The following MAD1L1 variants were observed in gnomAD, a reference collection of about 807,000 sequenced individuals.
The protein encoded by MAD1L1 is mitotic arrest deficient 1 like 1.
A neutral mutation model predicts 96.9 loss-of-function variants in MAD1L1; 95 were observed. The observed-to-expected ratio is 0.98, with a 90% CI of 0.83 to 1.16. The LOEUF is 1.16. MAD1L1 is among the 50% of genes most tolerant of loss of function. The probability of loss-of-function intolerance (pLI) is 0.00; values close to 1 mark genes in which losing one functional copy is unlikely to be tolerated. For missense variants in MAD1L1, 1,007 were observed against 954.4 expected, an observed-to-expected ratio of 1.06 and a Z score of -0.73; for synonymous variants, 473 against 396.6, an observed-to-expected ratio of 1.19 and a Z score of -2.29.
rs372529867 is a variant in MAD1L1, at chr7:2,149,239, C to T, written c.987-1G>A. 24 of 1,612,922 alleles carry T rather than the reference C, an allele frequency of 1.5e-5. No homozygotes were observed. The highest frequency in any genetic ancestry group is 2.0e-5 in the Non-Finnish European group (23 of 1,179,208). On this transcript the variant is annotated splice_acceptor_variant, in intron 10 of 18. Coordinates refer to ENST00000265854, the MANE Select transcript of MAD1L1 (RefSeq NM_001013836.2). LOFTEE classifies it high-confidence loss of function. ...GAATCTGGAAAGGTCTTCTGGAGTC[C>T]TGCAGGATAAACAAGGCACACTCAG...
At chr7:1,847,092 A>G (rs1426943349) in intron 18 of MAD1L1, 2 of 359,416 alleles carry the variant, frequency 5.6e-6, no homozygotes, top group Non-Finnish European at 1.1e-5. Context: ...GCTCACATCC[A>G]TCAGGTATCT....
chr7:1,929,291 C>A (rs1387282382), intron 17 of MAD1L1, among the ~76,000 whole-genome samples: 1 of 152,210 alleles, frequency 6.6e-6, no homozygotes, highest in Non-Finnish European at 1.5e-5. Flanking sequence ...GCTGTGCCCA[C>A]ACAGGCAGTG....
intron 10 of MAD1L1, among the ~76,000 whole-genome samples, chr7:2,179,384 C>T (rs1473261099): frequency 1.3e-5 from 2 of 151,906 alleles, no homozygotes; most frequent in Non-Finnish European, 2.9e-5. Context: ...AAAAATTAGC[C>T]GGGCATGGTG....
intron 4 of MAD1L1, among the ~76,000 whole-genome samples, 167 bp from the exon 5 acceptor site, chr7:2,222,921 C>T (rs1045166264): frequency 2.8e-4 from 43 of 152,232 alleles, no homozygotes; most frequent in African/African-American, 9.9e-4. Flanking sequence ...GGACCCAGCC[C>T]CAGCGTTGGC....
chr7:2,166,989 C>T (rs1486774280), intron 10 of MAD1L1, among the ~76,000 whole-genome samples: 1 of 152,334 alleles, frequency 6.6e-6, no homozygotes, highest in Middle Eastern at 3.4e-3. Flanking sequence ...CTGGTGGAAT[C>T]CCCTTTTACA....
At position 2,217,875 on chromosome 7, in the gene MAD1L1, C is replaced by T. The variant is rs575734825; in HGVS notation, c.678+87G>A. ...AACCTCACAGAAGGACCACGGAGCT[C>T]GGCACCAGCGCAGAAAGGCCGACAG... On this transcript the variant is annotated intron_variant, in intron 7 of 18. Coordinates refer to ENST00000265854, the MANE Select transcript of MAD1L1 (RefSeq NM_001013836.2). 3.6e-5 allele frequency: 40 copies of T among 1,125,812 alleles called. No homozygotes were observed. The African/African-American group carries it at 5.2e-4, about 15-fold the overall frequency. The allele number at this position is 1,125,812 out of a possible 1,614,324, so 69.7% of individuals were successfully genotyped here. A position where few individuals can be genotyped will look rare whatever the true frequency, so the allele number is the denominator to read the frequency against.
At chr7:1,946,455 TC>T (rs1215986309) in intron 16 of MAD1L1, among the ~76,000 whole-genome samples, 1 of 152,252 alleles carries the variant, frequency 6.6e-6, no homozygotes, top group Non-Finnish European at 1.5e-5. Flanking sequence ...ATGGCTATAA[TC>T]TTCTGCTAAA....
intron 11 of MAD1L1, among the ~76,000 whole-genome samples, chr7:2,080,344 T>C (rs959900903): frequency 6.6e-6 from 1 of 152,130 alleles, no homozygotes; most frequent in African/African-American, 2.4e-5. Flanking sequence ...ATACCACAGA[T>C]ATGAGGTTTA....
chr7:2,059,352 A>G (rs1368493436), intron 12 of MAD1L1, among the ~76,000 whole-genome samples: 58 of 73,216 alleles, frequency 7.9e-4, no homozygotes, highest in Middle Eastern at 0.014. Context: ...GAGGAGAGGC[A>G]TGGGGCTGGA....
intron 18 of MAD1L1, among the ~76,000 whole-genome samples, chr7:1,885,300 C>A (rs975368192): frequency 6.6e-6 from 1 of 152,202 alleles, no homozygotes; most frequent in Non-Finnish European, 1.5e-5. Context: ...TCTGCCCACA[C>A]CACAGCGTCC....
intron 12 of MAD1L1, among the ~76,000 whole-genome samples, chr7:2,056,089 G>C (rs1419420291): frequency 1.3e-5 from 2 of 152,232 alleles, no homozygotes; most frequent in African/African-American, 4.8e-5. Flanking sequence ...GGCTAAAACG[G>C]GGCCACAGAG....
intron 12 of MAD1L1, among the ~76,000 whole-genome samples, chr7:2,022,107 C>T (rs751998114): frequency 2.0e-5 from 3 of 152,082 alleles, no homozygotes; most frequent in Non-Finnish European, 4.4e-5. Flanking sequence ...AGCTGTGAGC[C>T]GCTGAGCCTA....
At chr7:2,178,807 G>T (rs1332314572) in intron 10 of MAD1L1, among the ~76,000 whole-genome samples, 2 of 151,112 alleles carry the variant, frequency 1.3e-5, no homozygotes, top group Non-Finnish European at 2.9e-5. Flanking sequence ...TGAGGCAGGA[G>T]AATCACCTGA....
At chr7:1,825,119 T>C (rs1338243884) in intron 18 of MAD1L1, among the ~76,000 whole-genome samples, 1 of 152,230 alleles carries the variant, frequency 6.6e-6, no homozygotes, top group Non-Finnish European at 1.5e-5. Context: ...AGGAAAAATG[T>C]ATATCTAAAT....
chr7:2,057,059 C>T (rs1262038855), intron 12 of MAD1L1, among the ~76,000 whole-genome samples: 4 of 152,228 alleles, frequency 2.6e-5, no homozygotes, highest in South Asian at 4.1e-4. Flanking sequence ...CCCTGACACA[C>T]GAGCCCTAAA....
intron 11 of MAD1L1, among the ~76,000 whole-genome samples, chr7:2,113,014 G>A (rs974464926): frequency 6.6e-6 from 1 of 152,122 alleles, no homozygotes; most frequent in East Asian, 1.9e-4. Flanking sequence ...AACAGAGAAG[G>A]AAGCAACTGA....
intron 15 of MAD1L1, among the ~76,000 whole-genome samples, chr7:1,978,533 C>T (rs1042024684): frequency 7.2e-5 from 11 of 152,314 alleles, no homozygotes; most frequent in Middle Eastern, 3.4e-3. Context: ...ACTTTAAAGC[C>T]TCTAGTGCCT....
chr7:2,019,800 T>C (rs1435598822), intron 12 of MAD1L1, among the ~76,000 whole-genome samples: 1 of 152,230 alleles, frequency 6.6e-6, no homozygotes, highest in African/African-American at 2.4e-5. Flanking sequence ...GGCCCACGCC[T>C]GCTCCTGGGC....
intron 10 of MAD1L1, among the ~76,000 whole-genome samples, chr7:2,206,536 G>C (rs182012939): frequency 1.5e-4 from 23 of 152,244 alleles, no homozygotes; most frequent in Admixed American, 1.4e-3. Context: ...TACCACCCTC[G>C]GTGAAAAGAT....
Sources: allele counts gnomAD v4.1 joint callset (sites outside exome capture counted in the v4.1 genomes callset), GRCh38; gene constraint gnomAD v4.1.1; transcripts MANE v1.5; gene names NCBI Gene and HGNC (gene_info 2026-07-23, HGNC 2026-07-21).